Variants in SLC38A10 observed in about 807,000 individuals in gnomAD.
The protein encoded by SLC38A10 is Sodium-coupled neutral amino acid transporter 10.
In SLC38A10, 53 loss-of-function variants were observed where a neutral mutation model predicts 81.0. The observed-to-expected ratio is 0.65, with a 90% CI of 0.53 to 0.82. SLC38A10 has a LOEUF of 0.82. Ranked by LOEUF, SLC38A10 falls within the 40% of genes least tolerant of loss-of-function variation. The pLI is 0.00. For missense variants in SLC38A10, 1,471 were observed against 1,545.0 expected, an observed-to-expected ratio of 0.95 and a Z score of 0.80; for synonymous variants, 665 against 655.3, an observed-to-expected ratio of 1.01 and a Z score of -0.23.
At chr17:81,249,689 G>GAAGCCACC (rs1163818802) in intron 14 of SLC38A10, among the ~76,000 whole-genome samples, 1 of 151,804 alleles carries the variant, frequency 6.6e-6, no homozygotes, top group African/African-American at 2.4e-5. Flanking sequence ...CAGAAGGCAC[G>GAAGCCACC]AAGCCACCCA....
intron 14 of SLC38A10, 93 bp downstream of exon 14, chr17:81,251,400 T>A (rs760103752): frequency 3.1e-6 from 5 of 1,611,586 alleles, no homozygotes; most frequent in Middle Eastern, 1.7e-4. Flanking sequence ...CTGGCAGGGC[T>A]CCCGAGGATG....
intron 10 of SLC38A10, among the ~76,000 whole-genome samples, chr17:81,261,825 C>T (rs538808321): frequency 5.3e-5 from 8 of 152,304 alleles, no homozygotes; most frequent in South Asian, 4.1e-4. Flanking sequence ...CACAGCTGGC[C>T]GGAGCAAGCG....
Position 81,288,090 on chromosome 17 carries a change from C to G in SLC38A10, c.217+1601G>C, listed in dbSNP as rs116988846. On this transcript the variant is annotated intron_variant, in intron 2 of 15. Coordinates refer to ENST00000374759, the MANE Select transcript of SLC38A10 (RefSeq NM_001037984.3). The surrounding 1 kb of genome is among the most constrained non-coding windows in gnomAD (Gnocchi z 5.4). Reference sequence around the variant, plus strand: ...ACAACAAGAAAAGACTCTGACAGCACCATTCTCATCAGGAAGGGAGGAGAA... The same window carrying G: ...ACAACAAGAAAAGACTCTGACAGCAGCATTCTCATCAGGAAGGGAGGAGAA... Among the ~76,000 whole-genome samples, 168 of 152,334 alleles carry G rather than the reference C, an allele frequency of 1.1e-3. 2 individuals are homozygous for G. The East Asian group carries it at 0.024, about 22-fold the overall frequency.
chr17:81,261,505 TA>T (rs2063023392), intron 10 of SLC38A10, among the ~76,000 whole-genome samples: 1 of 152,310 alleles, frequency 6.6e-6, no homozygotes, highest in African/African-American at 2.4e-5. Context: ...TGTCGATTCT[TA>T]AAGAAAATCA....
chr17:81,277,175 C>A lies in SLC38A10; in HGVS notation c.627-42G>T, dbSNP rs929237909. The A allele has an allele frequency of 3.8e-6, 6 of 1,580,060 alleles. No homozygotes were observed. The highest frequency in any genetic ancestry group is 5.2e-6 in the Non-Finnish European group (6 of 1,151,196). Reference sequence around the variant, plus strand: ...CATTTCACAGCGGACCTGAGAGAGGCACGCCCTCCCCAGCGGCTCCACTTC... The same window carrying A: ...CATTTCACAGCGGACCTGAGAGAGGAACGCCCTCCCCAGCGGCTCCACTTC... On this transcript the variant is annotated intron_variant, in intron 6 of 15. Transcript: ENST00000374759. The surrounding 1 kb of genome is among the most constrained non-coding windows in gnomAD (Gnocchi z 4.5).
intron 8 of SLC38A10, 85 bp downstream of exon 8, chr17:81,275,884 T>A: frequency 6.9e-7 from 1 of 1,447,076 alleles, no homozygotes; most frequent in Non-Finnish European, 9.3e-7. Flanking sequence ...TCCTGCTATA[T>A]CTCTGGTTCG....
chr17:81,248,922 G>A (rs1441955565), intron 14 of SLC38A10, among the ~76,000 whole-genome samples: 1 of 152,246 alleles, frequency 6.6e-6, no homozygotes, highest in South Asian at 2.1e-4. Flanking sequence ...AGGCCATGAC[G>A]GGCAGAGCAG....
chr17:81,270,801 A>T lies in SLC38A10; in HGVS notation c.1131+117T>A. 1.2e-6 allele frequency: 1 copy of T among 803,416 alleles called. No individual in the cohort carries two copies. The highest frequency in any genetic ancestry group is 1.7e-5 in the South Asian group (1 of 59,444). The allele number at this position is 803,416 out of a possible 1,614,324, so 49.8% of individuals were successfully genotyped here. On this transcript the variant is annotated intron_variant, in intron 10 of 15. Transcript: ENST00000374759. The surrounding 1 kb of genome is among the most constrained non-coding windows in gnomAD (Gnocchi z 4.0). ...GGACCAAGTCCCTTTTGTGGGTTTT[A>T]AGTTTCTTGATAGAACCCATCTGAA...
rs1486728648 is a variant in SLC38A10, at chr17:81,277,464, C to G, written c.627-331G>C. ...TTACAGGGCAAGCAGCCGGAGGAGG[C>G]TGCTCAGAGAATCGCTGTCAAGAGG... On this transcript the variant is annotated intron_variant, in intron 6 of 15. Coordinates refer to ENST00000374759, the MANE Select transcript of SLC38A10 (RefSeq NM_001037984.3). This position sits in a 1 kb window ranked among gnomAD's most constrained non-coding sequence, Gnocchi z 4.5. Among the ~76,000 whole-genome samples, 1 of 152,242 alleles carries G rather than the reference C, an allele frequency of 6.6e-6. No homozygotes were observed. The highest frequency in any genetic ancestry group is 1.5e-5 in the Non-Finnish European group (1 of 68,046).
intron 8 of SLC38A10, among the ~76,000 whole-genome samples, chr17:81,273,754 A>G (rs567480835): frequency 6.6e-6 from 1 of 152,288 alleles, no homozygotes; most frequent in Admixed American, 6.5e-5. Context: ...CTTTAGCACG[A>G]AGACTGTCGT....
At position 81,252,410 on chromosome 17, in the gene SLC38A10, G is replaced by T. The variant is rs773781212; in HGVS notation, c.1730C>A (p.Pro577His). 1.4e-5 allele frequency: 23 copies of T among 1,613,158 alleles called. No homozygotes were observed. The highest frequency in any genetic ancestry group is 1.8e-5 in the Non-Finnish European group (21 of 1,180,014). Residue 577 changes from proline (P) to histidine (H), a missense_variant, in exon 13 of 16, where the codon CCC becomes CAC. Transcript: ENST00000374759. ...ACCATCTGCTTCTGGAACTTTCTGGGGATCTTCAGGAAGATCACCCGCCTC... is the reference window on the plus strand; with the variant it reads ...ACCATCTGCTTCTGGAACTTTCTGGTGATCTTCAGGAAGATCACCCGCCTC... Reference protein sequence around the residue: ...LEEAGDLPEDPQKVPEADGQP... With the variant: ...LEEAGDLPEDHQKVPEADGQP...
At chr17:81,273,069 C>T (rs542367976) in intron 8 of SLC38A10, among the ~76,000 whole-genome samples, 3 of 152,294 alleles carry the variant, frequency 2.0e-5, no homozygotes, top group South Asian at 2.1e-4. Flanking sequence ...CCCAAACACA[C>T]GCACACATGG....
In SLC38A10 at chr17:81,285,310, G is replaced by A. The variant is rs567382128; in HGVS notation, c.218-415C>T. Reference sequence around the variant, plus strand: ...GGTTCAGTGCCGGTCCCAGGTACCCGAGCGCCACAGCCTGCACCAGAGGGA... The same window carrying A: ...GGTTCAGTGCCGGTCCCAGGTACCCAAGCGCCACAGCCTGCACCAGAGGGA... On this transcript the variant is annotated intron_variant, in intron 2 of 15. Coordinates refer to ENST00000374759, the MANE Select transcript of SLC38A10 (RefSeq NM_001037984.3). The A allele has an allele frequency of 2.4e-5, 4 of 168,164 alleles. No homozygotes were observed. The East Asian group carries it at 6.6e-4, about 28-fold the overall frequency. 10.4% of individuals were successfully genotyped at this position (168,164 alleles called of 1,614,324 possible). A position where few individuals can be genotyped will look rare whatever the true frequency, so the allele number is the denominator to read the frequency against.
chr17:81,254,827 G>A (rs139096918), intron 11 of SLC38A10, among the ~76,000 whole-genome samples: 50 of 152,346 alleles, frequency 3.3e-4, no homozygotes, highest in African/African-American at 1.2e-3. Context: ...ATTAGGCTTC[G>A]GCAGAGGCCC....
At chr17:81,250,049 C>T in intron 14 of SLC38A10, 1 of 1,288,210 alleles carries the variant, frequency 7.8e-7, no homozygotes, top group African/African-American at 1.5e-5. Flanking sequence ...TTGACTTCAG[C>T]ACACTCCTTT....
Position 81,284,887 on chromosome 17 carries a change from CG to C in SLC38A10, c.225del (p.His75GlnfsTer15). 6.5e-7 allele frequency: 1 copy of C among 1,544,890 alleles called. No homozygotes were observed. The highest frequency in any genetic ancestry group is 1.4e-5 in the African/African-American group (1 of 72,722). ...KRRTYAGLAF[H>X]AYGKAGKMLV... The stretch of plus-strand genomic sequence containing the variant: ...AGCATCTTGCCTGCCTTCCCGTAGG[CG>C]TGGAATGCTAGTGCAAAAGAAAAAG... On this transcript the variant is annotated frameshift_variant, in exon 3 of 16. Coordinates refer to ENST00000374759, the MANE Select transcript of SLC38A10 (RefSeq NM_001037984.3). LOFTEE classifies it high-confidence loss of function.
intron 15 of SLC38A10, 90 bp downstream of exon 15, chr17:81,246,795 G>C (rs2062856150): frequency 6.6e-7 from 1 of 1,511,434 alleles, no homozygotes; most frequent in East Asian, 2.3e-5. Context: ...CTCAGGTCTA[G>C]AGGCCACCGA....
intron 15 of SLC38A10, 46 bp from the exon 16 acceptor site, chr17:81,246,719 G>A: frequency 2.0e-6 from 3 of 1,502,306 alleles, no homozygotes; most frequent in South Asian, 1.4e-5. Flanking sequence ...ACTGTACACA[G>A]GCTGCCAGTG....
At chr17:81,280,464 G>T in intron 6 of SLC38A10, 145 bp downstream of exon 6, 1 of 1,234,556 alleles carries the variant, frequency 8.1e-7, no homozygotes, top group Non-Finnish European at 1.1e-6. Flanking sequence ...AACCTGGGGC[G>T]GGAAAGGTCA....
Sources: allele counts gnomAD v4.1 joint callset (sites outside exome capture counted in the v4.1 genomes callset), GRCh38; gene constraint gnomAD v4.1.1; non-coding constraint Gnocchi (gnomAD v3.1); transcripts MANE v1.5; gene names NCBI Gene and HGNC (gene_info 2026-07-23, HGNC 2026-07-21).